Variants in DOT1L observed in about 807,000 individuals in gnomAD.
The protein encoded by DOT1L is histone-lysine N-methyltransferase, H3 lysine-79 specific.
DOT1L carries 33 observed loss-of-function variants against 153.3 expected under a neutral mutation model. The ratio of observed to expected loss-of-function variants is 0.22; its 90% CI spans 0.16 to 0.29. DOT1L has a LOEUF of 0.29. DOT1L is among the 10% of genes least tolerant of loss of function. DOT1L has a pLI of 1.00. For missense variants in DOT1L, 1,847 were observed against 2,119.9 expected, an observed-to-expected ratio of 0.87 and a Z score of 2.53; for synonymous variants, 1,135 against 965.1, an observed-to-expected ratio of 1.18 and a Z score of -3.26.
chr19:2,208,879 A>G lies in DOT1L; in HGVS notation c.964-56A>G. On this transcript the variant is annotated intron_variant, in intron 11 of 27. Coordinates refer to ENST00000398665, the MANE Select transcript of DOT1L (RefSeq NM_032482.3). The surrounding 1 kb of genome is among the most constrained non-coding windows in gnomAD (Gnocchi z 4.4). ...CTGTTGTTACCTGGGTGTCCAGACA[A>G]ATCCGAACAGAGATTGGGACTCCCT... The G allele has an allele frequency of 6.3e-7, 1 of 1,582,036 alleles. No homozygotes were observed. Among genetic ancestry groups the G allele is most frequent in the Non-Finnish European group, 8.6e-7 (1 of 1,158,310 alleles).
At chr19:2,167,021 CAA>C (rs2019947691) in intron 1 of DOT1L, among the ~76,000 whole-genome samples, 1 of 152,174 alleles carries the variant, frequency 6.6e-6, no homozygotes, top group Non-Finnish European at 1.5e-5. Flanking sequence ...CTGCAGGTTT[CAA>C]AAGTTACCCC....
At position 2,191,767 on chromosome 19, in the gene DOT1L, G is replaced by A. The variant is rs985301883; in HGVS notation, c.493+527G>A. 2.0e-5 allele frequency among the ~76,000 whole-genome samples: 3 copies of A among 152,002 alleles called. No homozygotes were observed. The highest frequency in any genetic ancestry group is 2.9e-5 in the Non-Finnish European group (2 of 67,974). The stretch of plus-strand genomic sequence containing the variant: ...CCCTCGGCACCCCTGCGTCTGGGCC[G>A]TGCCCTGCCCCTCCCAGGTTGGGGC... On this transcript the variant is annotated intron_variant, in intron 5 of 27. Coordinates refer to ENST00000398665, the MANE Select transcript of DOT1L (RefSeq NM_032482.3). The surrounding 1 kb of genome is among the most constrained non-coding windows in gnomAD (Gnocchi z 6.8).
intron 1 of DOT1L, 79 bp from the exon 2 acceptor site, chr19:2,180,634 A>T (rs2022187647): frequency 6.4e-7 from 1 of 1,561,404 alleles, no homozygotes; most frequent in South Asian, 1.2e-5. Context: ...AGTTGACGGC[A>T]TCGCTTGTCC....
Position 2,226,464 on chromosome 19 carries a change from G to A in DOT1L, c.3943G>A (p.Gly1315Ser), listed in dbSNP as rs931853989. The change falls in exon 27 of 28, where the codon GGC becomes AGC. Residue 1315 changes from glycine to serine, a missense_variant. This residue lies in a region of DOT1L where 934 missense variants were observed against 825.3 expected (regional missense o/e 1.13). Transcript: ENST00000398665. ...CAGCCCGGGCACCAACCCTGCCAAC[G>A]GCTGCACCTTCGGCGGGGGCCTGGC... ...GLSPGTNPAN[G>S]CTFGGGLAAD... 2.7e-5 allele frequency: 44 copies of A among 1,601,842 alleles called. No homozygotes were observed. Among genetic ancestry groups the A allele is most frequent in the South Asian group, 3.3e-5 (3 of 90,844 alleles).
chr19:2,208,850 G>T lies in DOT1L; in HGVS notation c.964-85G>T. 7.1e-7 allele frequency: 1 copy of T among 1,407,814 alleles called. No homozygotes were observed. Among genetic ancestry groups the T allele is most frequent in the Non-Finnish European group, 9.9e-7 (1 of 1,011,358 alleles). The allele number at this position is 1,407,814 out of a possible 1,614,324, so 87.2% of individuals were successfully genotyped here. On this transcript the variant is annotated intron_variant, in intron 11 of 27. Coordinates refer to ENST00000398665, the MANE Select transcript of DOT1L (RefSeq NM_032482.3). This position sits in a 1 kb window ranked among gnomAD's most constrained non-coding sequence, Gnocchi z 4.4. ...AACAGCCTCCCCAGCCACTGTCCAG[G>T]TTGCTGTTGTTACCTGGGTGTCCAG...
intron 1 of DOT1L, among the ~76,000 whole-genome samples, chr19:2,172,074 A>G (rs1341022857): frequency 6.6e-6 from 1 of 152,166 alleles, no homozygotes; most frequent in Admixed American, 6.5e-5. Context: ...GGGAGGAAAG[A>G]AGGCCCTGGG....
rs1375769950 is a variant in DOT1L, at chr19:2,194,485, G to C, written c.589-30G>C. Reference sequence around the variant, plus strand: ...CGCGCCTGGCTTGCCCTGAGAGTTTGTAACGGGCGTTTGGTTTCTTTCCTT... The same window carrying C: ...CGCGCCTGGCTTGCCCTGAGAGTTTCTAACGGGCGTTTGGTTTCTTTCCTT... On this transcript the variant is annotated intron_variant, in intron 6 of 27. Transcript: ENST00000398665. The C allele has an allele frequency of 1.9e-6, 3 of 1,613,766 alleles. No individual in the cohort carries two copies. In the South Asian group the frequency reaches 3.3e-5, roughly 18 times the overall value.
intron 27 of DOT1L, chr19:2,228,384 T>C: frequency 7.8e-7 from 1 of 1,287,960 alleles, no homozygotes; most frequent in East Asian, 4.7e-5. Context: ...TTGTGTAAGG[T>C]AAGGCCAGAG....
intron 1 of DOT1L, among the ~76,000 whole-genome samples, chr19:2,167,864 T>C (rs183492737): frequency 8.6e-5 from 13 of 151,956 alleles, no homozygotes; most frequent in Non-Finnish European, 1.9e-4. Context: ...GCCTCCCCAG[T>C]AGCTGGGATT....
Position 2,230,679 on chromosome 19 carries a change from T to A in DOT1L, c.*887T>A, listed in dbSNP as rs2024562085. ...TAGAGATGTGATGAGAATTTATAAATTTCATAGATTTGACAGCTTTTATTT... is the reference window on the plus strand; with the variant it reads ...TAGAGATGTGATGAGAATTTATAAAATTCATAGATTTGACAGCTTTTATTT... On this transcript the variant is annotated 3_prime_UTR_variant, in exon 28 of 28. Coordinates refer to ENST00000398665, the MANE Select transcript of DOT1L (RefSeq NM_032482.3). 1 of 398,146 alleles carries A rather than the reference T, an allele frequency of 2.5e-6. No homozygotes were observed. Among genetic ancestry groups the A allele is most frequent in the Non-Finnish European group, 4.4e-6 (1 of 226,050 alleles). The allele number at this position is 398,146 out of a possible 1,614,324, so 24.7% of individuals were successfully genotyped here.
intron 22 of DOT1L, among the ~76,000 whole-genome samples, chr19:2,219,134 A>G (rs2024019527): frequency 6.6e-6 from 1 of 152,142 alleles, no homozygotes; most frequent in Non-Finnish European, 1.5e-5. Flanking sequence ...AGCCTCCGAA[A>G]TTGATGGGAT....
At chr19:2,219,873 C>T (rs961104087) in intron 22 of DOT1L, among the ~76,000 whole-genome samples, 8 of 152,230 alleles carry the variant, frequency 5.3e-5, no homozygotes, top group African/African-American at 1.9e-4. Context: ...GCCTCCTGAC[C>T]TCCCTGCCTC....
Position 2,190,991 on chromosome 19 carries a change from C to T in DOT1L, c.265-21C>T, listed in dbSNP as rs1210867853. The T allele has an allele frequency of 4.8e-5, 76 of 1,574,126 alleles. No individual in the cohort carries two copies. Among genetic ancestry groups the T allele is most frequent in the Non-Finnish European group, 5.5e-5 (64 of 1,163,954 alleles). ...GGCCGTGAGGTTTATGTGACATGGC[C>T]GGGCCACCCTCCGTCCGCAGTGGAA... On this transcript the variant is annotated intron_variant, in intron 4 of 27. Coordinates refer to ENST00000398665, the MANE Select transcript of DOT1L (RefSeq NM_032482.3). This position sits in a 1 kb window ranked among gnomAD's most constrained non-coding sequence, Gnocchi z 4.8.
At chr19:2,227,153 C>A in intron 27 of DOT1L, 26 bp downstream of exon 27, 3 of 1,564,708 alleles carry the variant, frequency 1.9e-6, no homozygotes, top group Non-Finnish European at 1.7e-6. Flanking sequence ...GTCCGTCCGC[C>A]CCCCGCCCCG....
intron 20 of DOT1L, 71 bp downstream of exon 20, chr19:2,216,836 C>T (rs544889346): frequency 8.4e-5 from 131 of 1,553,946 alleles, no homozygotes; most frequent in Non-Finnish European, 1.0e-4. Context: ...CTCAGGCTGT[C>T]GGGTTCTCAG....
chr19:2,228,679 C>T (rs548720807), intron 27 of DOT1L: 6 of 985,382 alleles, frequency 6.1e-6, no homozygotes, highest in East Asian at 2.3e-4. Context: ...GCGAGGCTCA[C>T]GGGGTGCCAG....
At chr19:2,211,342 G>A in intron 15 of DOT1L, 130 bp downstream of exon 15, 1 of 832,144 alleles carries the variant, frequency 1.2e-6, no homozygotes, top group Non-Finnish European at 1.8e-6. Context: ...AGTTTACCCA[G>A]GGTTGGGGTC....
Position 2,232,428 on chromosome 19 carries a change from G to C in DOT1L, c.*2636G>C, listed in dbSNP as rs2024645852. The C allele has an allele frequency of 4.5e-6, 1 of 222,204 alleles. No individual in the cohort carries two copies. The highest frequency in any genetic ancestry group is 9.0e-6 in the Non-Finnish European group (1 of 111,278). 13.8% of individuals were successfully genotyped at this position (222,204 alleles called of 1,614,324 possible). ...CTGTGTCAGCCTTTGTAACGTGGGA[G>C]GCTCTGCCGTGTCTTCCGGGTGAAC... On this transcript the variant is annotated 3_prime_UTR_variant, in exon 28 of 28. Transcript: ENST00000398665.
At chr19:2,165,282 C>CCGCG (rs112662174) in intron 1 of DOT1L, among the ~76,000 whole-genome samples, 1 of 151,806 alleles carries the variant, frequency 6.6e-6, no homozygotes, top group Non-Finnish European at 1.5e-5. Context: ...CCTGGGACTC[C>CCGCG]CGCGCGCGCT....
Sources: gnomAD v4.1 joint callset for allele counts (sites outside exome capture counted in the v4.1 genomes callset) on GRCh38, gnomAD v4.1.1 for gene constraint, gnomAD v4.1.1 regional missense constraint, Gnocchi (gnomAD v3.1) non-coding constraint, MANE v1.5 for transcripts, NCBI Gene and HGNC (gene_info 2026-07-23, HGNC 2026-07-21) for gene names.